Variants in CFAP251 observed in about 807,000 individuals in gnomAD.
CFAP251 encodes the protein cilia- and flagella-associated protein 251.
A neutral mutation model predicts 126.7 loss-of-function variants in CFAP251; 93 were observed. The ratio of observed to expected loss-of-function variants is 0.73; its 90% CI spans 0.62 to 0.87. The LOEUF is 0.87. CFAP251 is among the 40% of genes least tolerant of loss of function. CFAP251 has a pLI of 0.00. For missense variants in CFAP251, 1,287 were observed against 1,389.2 expected (o/e 0.93, Z 1.17); for synonymous variants, 503 against 506.9 (o/e 0.99, Z 0.10).
chr12:121,996,578 T>C (rs1593009446), intron 19 of CFAP251, among the ~76,000 whole-genome samples: 1 of 152,180 alleles, frequency 6.6e-6, no homozygotes. Context: ...GCATTTCCAC[T>C]TAAACCTAGG....
intron 9 of CFAP251, among the ~76,000 whole-genome samples, chr12:121,951,757 C>T (rs11043263): frequency 0.08 from 12,163 of 151,910 alleles, 928 homozygotes; most frequent in African/African-American, 0.2. Flanking sequence ...CTTGCTCTGT[C>T]GCCCAGGCTG....
rs777451856 is a variant in CFAP251, at chr12:121,999,698, T to TC, written c.3007-14dup. On this transcript the variant is annotated splice_polypyrimidine_tract_variant and intron_variant, in intron 19 of 21. Transcript: ENST00000288912. The stretch of plus-strand genomic sequence containing the variant: ...TCTATTTACTGTGGTCTTTTTTTTT[T>TC]CCCCATCTTTCCCCTAGATTGATGA... The TC allele has an allele frequency of 1.4e-5, 22 of 1,560,382 alleles. No homozygotes were observed. The highest frequency in any genetic ancestry group is 1.4e-4 in the African/African-American group (10 of 72,962).
intron 3 of CFAP251, among the ~76,000 whole-genome samples, chr12:121,926,682 C>T (rs768315087): frequency 3.9e-5 from 6 of 152,102 alleles, no homozygotes; most frequent in Non-Finnish European, 8.8e-5. Flanking sequence ...CGGTGGCTCA[C>T]ACCTGTAATC....
rs369419967 is a variant in CFAP251, at chr12:121,958,320, A to G, written c.1779A>G (p.Thr593=). 53 of 1,614,256 alleles carry G rather than the reference A, an allele frequency of 3.3e-5. No individual in the cohort carries two copies. The highest frequency in any genetic ancestry group is 2.3e-4 in the South Asian group (21 of 91,082). Residue 593 remains threonine (T), a synonymous_variant, in exon 12 of 22, where the codon ACA becomes ACG. Coordinates refer to ENST00000288912, the MANE Select transcript of CFAP251 (RefSeq NM_144668.6). ...ATGCCGCGGTGTACCACTTAACAACAGATGGGACCAAACTTGAGAAGTTAT... is the reference window on the plus strand; with the variant it reads ...ATGCCGCGGTGTACCACTTAACAACGGATGGGACCAAACTTGAGAAGTTAT... ...TSDAAVYHLT[T]DGTKLEKLFV...
intron 10 of CFAP251, among the ~76,000 whole-genome samples, chr12:121,954,663 A>AAAAAAAAAAAAC (rs1881662835): frequency 6.8e-6 from 1 of 147,348 alleles, no homozygotes; most frequent in Non-Finnish European, 1.5e-5. Flanking sequence ...AAAAAAAAAA[A>AAAAAAAAAAAAC]AAAAACCTCT....
At chr12:121,939,081 G>A (rs6486785) in intron 5 of CFAP251, among the ~76,000 whole-genome samples, 19,162 of 151,968 alleles carry the variant, frequency 0.13, 2,767 homozygotes, top group African/African-American at 0.35. Context: ...AATCAATTTG[G>A]TGTGTTTCCT....
At chr12:121,957,568 G>A (rs984933062) in intron 11 of CFAP251, among the ~76,000 whole-genome samples, 2 of 152,106 alleles carry the variant, frequency 1.3e-5, no homozygotes, top group Non-Finnish European at 2.9e-5. Context: ...GCCGGGCGTG[G>A]TGACGGGTGC....
At chr12:121,972,511 G>A (rs147058106) in intron 17 of CFAP251, among the ~76,000 whole-genome samples, 155 of 145,750 alleles carry the variant, frequency 1.1e-3, no homozygotes, top group Non-Finnish European at 1.9e-3. Flanking sequence ...TTTTTGAGAT[G>A]GAGTCTCACT....
At chr12:121,946,918 G>A (rs1565908779) in intron 7 of CFAP251, among the ~76,000 whole-genome samples, 1 of 152,096 alleles carries the variant, frequency 6.6e-6, no homozygotes, top group South Asian at 2.1e-4. Flanking sequence ...GTGGAAGTGG[G>A]TATGTTGTTG....
chr12:122,003,914 A>G lies in CFAP251; in HGVS notation c.*150A>G, dbSNP rs953594695. 1.8e-6 allele frequency: 1 copy of G among 570,918 alleles called. No individual in the cohort carries two copies. Among genetic ancestry groups the G allele is most frequent in the Non-Finnish European group, 2.9e-6 (1 of 348,182 alleles). The allele number at this position is 570,918 out of a possible 1,614,324, so 35.4% of individuals were successfully genotyped here. Reference sequence around the variant, plus strand: ...CATTAAAGCAAGTTTCTGGTGAGCAATGGAATTCACAAAGTTGGACATTCC... The same window carrying G: ...CATTAAAGCAAGTTTCTGGTGAGCAGTGGAATTCACAAAGTTGGACATTCC... On this transcript the variant is annotated 3_prime_UTR_variant, in exon 22 of 22. Coordinates refer to ENST00000288912, the MANE Select transcript of CFAP251 (RefSeq NM_144668.6).
In CFAP251 at chr12:121,968,176, G is replaced by A. The variant is rs372821743; in HGVS notation, c.2771+7G>A. The A allele has an allele frequency of 2.3e-5, 37 of 1,593,688 alleles. No homozygotes were observed. Among genetic ancestry groups the A allele is most frequent in the African/African-American group, 4.0e-5 (3 of 74,372 alleles). ...AGTGGAAAATCACCTTAAGGTACAC[G>A]ATGGGGCGAGAAGGAAGGTATCAAG... On this transcript the variant is annotated splice_region_variant and intron_variant, in intron 17 of 21. Coordinates refer to ENST00000288912, the MANE Select transcript of CFAP251 (RefSeq NM_144668.6).
rs375157069 is a variant in CFAP251 at position 121,968,084 on chromosome 12, G to A, written c.2686G>A (p.Gly896Ser). 9.0e-5 allele frequency: 145 copies of A among 1,613,648 alleles called. No individual in the cohort carries two copies. The South Asian group carries it at 1.3e-3, about 15-fold the overall frequency. Residue 896 changes from glycine to serine, a missense_variant, in exon 17 of 22, where the codon GGC (glycine) becomes AGC (serine). Gly to Ser is a moderately conservative substitution (Grantham distance 56). Coordinates refer to ENST00000288912, the MANE Select transcript of CFAP251 (RefSeq NM_144668.6). ...AIVCHPNGVA[G>S]MAVSYDGCYA... ...TGTTTGCCACCCGAACGGGGTGGCC[G>A]GCATGGCCGTTTCCTATGATGGCTG...
In CFAP251 at chr12:121,987,880, C is replaced by T. The variant is rs560367280; in HGVS notation, c.3007-11836C>T. ...CCCCCAACTCCAGGTTCTGTTCCTACGTATGTATGAGTTGGTACAAAGAAG... is the reference window on the plus strand; with the variant it reads ...CCCCCAACTCCAGGTTCTGTTCCTATGTATGTATGAGTTGGTACAAAGAAG... On this transcript the variant is annotated intron_variant, in intron 19 of 21. Transcript: ENST00000288912. Among the ~76,000 whole-genome samples the T allele has an allele frequency of 7.1e-4, 108 of 152,184 alleles. 1 individual carries two copies. The highest frequency in any genetic ancestry group is 2.2e-3 in the African/African-American group (93 of 41,522).
intron 19 of CFAP251, among the ~76,000 whole-genome samples, chr12:121,978,393 C>CAAAGAAAAAAAA (rs780955131): frequency 2.4e-5 from 1 of 42,120 alleles, no homozygotes; most frequent in African/African-American, 1.4e-4. Context: ...GACTCTGTCT[C>CAAAGAAAAAAAA]AAAAAAAAAA....
rs529847920 is a variant in CFAP251 at position 121,992,342 on chromosome 12, C to T, written c.3007-7374C>T. On this transcript the variant is annotated intron_variant, in intron 19 of 21. Coordinates refer to ENST00000288912, the MANE Select transcript of CFAP251 (RefSeq NM_144668.6). Reference sequence around the variant, plus strand: ...TCAGTGATGCCGAAGCTGCCAACTCCGTGCTTGTTGAGTAGTGATTCTTGA... The same window carrying T: ...TCAGTGATGCCGAAGCTGCCAACTCTGTGCTTGTTGAGTAGTGATTCTTGA... 121 of 985,358 alleles carry T rather than the reference C, an allele frequency of 1.2e-4. No homozygotes were observed. The South Asian group carries it at 4.7e-3, about 39-fold the overall frequency. The allele number at this position is 985,358 out of a possible 1,614,324, so 61.0% of individuals were successfully genotyped here. A position where few individuals can be genotyped will look rare whatever the true frequency, so the allele number is the denominator to read the frequency against.
intron 19 of CFAP251, among the ~76,000 whole-genome samples, chr12:121,993,806 GC>G (rs1318488776): frequency 7.8e-6 from 1 of 127,986 alleles, no homozygotes; most frequent in East Asian, 2.5e-4. Flanking sequence ...GGGGGGGTCA[GC>G]CCCCCGCCCG....
At chr12:121,992,224 G>C in intron 19 of CFAP251, 1 of 985,420 alleles carries the variant, frequency 1.0e-6, no homozygotes. Flanking sequence ...TTCCAGCTCC[G>C]AGGTTCCTCT....
intron 8 of CFAP251, 73 bp downstream of exon 8, chr12:121,949,134 C>A: frequency 1.0e-6 from 1 of 982,686 alleles, no homozygotes; most frequent in Non-Finnish European, 1.5e-6. Context: ...ACAAATGTTT[C>A]AGTAATGTAA....
chr12:121,995,235 C>T (rs950844394), intron 19 of CFAP251, among the ~76,000 whole-genome samples: 36 of 152,326 alleles, frequency 2.4e-4, no homozygotes, highest in Admixed American at 3.9e-4. Flanking sequence ...TTAGCCCCAA[C>T]CTCTACTGCC....
Sources: allele counts gnomAD v4.1 joint callset (sites outside exome capture counted in the v4.1 genomes callset), GRCh38; gene constraint gnomAD v4.1.1; transcripts MANE v1.5; gene names NCBI Gene and HGNC (gene_info 2026-07-23, HGNC 2026-07-21).